NWD2: variants seen among roughly 807,000 people sequenced by gnomAD.
The protein encoded by NWD2 is NACHT and WD repeat domain-containing protein 2.
A neutral mutation model predicts 132.7 loss-of-function variants in NWD2; 37 were observed. That is an observed-to-expected ratio of 0.28 (90% CI 0.21 to 0.37). The LOEUF (loss-of-function observed/expected upper bound fraction) is 0.37, where lower values mean the gene tolerates loss of function less well. Among genes scored for constraint, NWD2 ranks in the 10% least tolerant of loss-of-function variants. NWD2 has a pLI of 1.00. For synonymous variants in NWD2, 705 were observed against 803.0 expected (o/e 0.88, Z 2.06); for missense variants, 1,592 against 2,122.4 (o/e 0.75, Z 4.91).
intron 3 of NWD2, among the ~76,000 whole-genome samples, chr4:37,424,689 C>G (rs1432504542): frequency 6.6e-6 from 1 of 152,100 alleles, no homozygotes; most frequent in Non-Finnish European, 1.5e-5. Flanking sequence ...AGCAATGGCT[C>G]ATAAACAGCA....
chr4:37,401,627 C>T (rs1375644572), intron 3 of NWD2, among the ~76,000 whole-genome samples: 2 of 152,062 alleles, frequency 1.3e-5, no homozygotes, highest in Non-Finnish European at 2.9e-5. Context: ...TGTTAGTCCC[C>T]TACCCAAAAA....
intron 2 of NWD2, among the ~76,000 whole-genome samples, chr4:37,349,132 A>G (rs1175092395): frequency 2.6e-5 from 4 of 152,042 alleles, no homozygotes; most frequent in Admixed American, 2.6e-4. Context: ...GAATACTACC[A>G]CAATAAACAT....
chr4:37,321,406 A>C (rs895041082), intron 1 of NWD2, among the ~76,000 whole-genome samples: 3 of 152,192 alleles, frequency 2.0e-5, no homozygotes, highest in African/African-American at 7.2e-5. Flanking sequence ...ACCTTCATTA[A>C]CTCTGAAATC....
rs181110296 is a variant in NWD2 at position 37,302,838 on chromosome 4, G to A, written c.152-23098G>A. Among the ~76,000 whole-genome samples, 66 of 152,164 alleles carry A rather than the reference G, an allele frequency of 4.3e-4. No homozygotes were observed. In the East Asian group the frequency reaches 0.012, roughly 28 times the overall value. ...TGTTGTTTTGGCTGTTGAGTTCCTT[G>A]TGTATTCTAAATATTAATCTCTTGT... On this transcript the variant is annotated intron_variant, in intron 1 of 6. Transcript: ENST00000309447.
chr4:37,413,736 G>T (rs376702850), intron 3 of NWD2, among the ~76,000 whole-genome samples: 1 of 152,154 alleles, frequency 6.6e-6, no homozygotes, highest in African/African-American at 2.4e-5. Context: ...GTTCATCAAT[G>T]ATAGACTGGA....
intron 4 of NWD2, 36 bp downstream of exon 4, chr4:37,430,811 C>A: frequency 6.7e-7 from 1 of 1,501,740 alleles, no homozygotes; most frequent in Non-Finnish European, 9.1e-7. Flanking sequence ...TGGATCTGTC[C>A]ATTACTACAT....
intron 3 of NWD2, among the ~76,000 whole-genome samples, chr4:37,413,176 G>C (rs1453650262): frequency 6.6e-6 from 1 of 152,176 alleles, no homozygotes; most frequent in African/African-American, 2.4e-5. Context: ...TTATCAGAGT[G>C]AACAGGCAGC....
intron 1 of NWD2, among the ~76,000 whole-genome samples, chr4:37,308,906 G>A (rs1718771264): frequency 6.6e-6 from 1 of 152,052 alleles, no homozygotes; most frequent in Non-Finnish European, 1.5e-5. Context: ...GGCCCTAAAT[G>A]TGCCAGTCCT....
intron 1 of NWD2, among the ~76,000 whole-genome samples, chr4:37,324,366 A>C (rs750717844): frequency 2.6e-5 from 4 of 151,952 alleles, no homozygotes; most frequent in Admixed American, 1.3e-4. Context: ...TTTATCTTCT[A>C]TATCTGCCAG....
intron 2 of NWD2, among the ~76,000 whole-genome samples, chr4:37,355,869 C>G (rs1409698970): frequency 1.3e-5 from 2 of 151,826 alleles, no homozygotes; most frequent in Non-Finnish European, 2.9e-5. Context: ...CAAAATATCT[C>G]TCCTCATATG....
intron 3 of NWD2, among the ~76,000 whole-genome samples, chr4:37,366,522 T>G (rs1305491393): frequency 3.3e-5 from 5 of 152,136 alleles, no homozygotes; most frequent in African/African-American, 9.7e-5. Context: ...AGCAGAAAGA[T>G]AACACAACTA....
chr4:37,435,505 G>C (rs1712298371), intron 5 of NWD2, among the ~76,000 whole-genome samples: 1 of 152,202 alleles, frequency 6.6e-6, no homozygotes, highest in Non-Finnish European at 1.5e-5. Flanking sequence ...GGAACCTTTA[G>C]ATCCACCTTT....
intron 1 of NWD2, among the ~76,000 whole-genome samples, chr4:37,262,872 G>C (rs1717672991): frequency 6.6e-6 from 1 of 152,104 alleles, no homozygotes; most frequent in South Asian, 2.1e-4. Flanking sequence ...ATGGCACAGG[G>C]TGCTTCTTGA....
intron 1 of NWD2, among the ~76,000 whole-genome samples, chr4:37,308,398 A>G (rs1316683937): frequency 1.3e-5 from 2 of 152,036 alleles, no homozygotes. Flanking sequence ...AGTAGCCTAG[A>G]TTGTGAGTGT....
chr4:37,422,406 T>C (rs1339826965), intron 3 of NWD2, among the ~76,000 whole-genome samples: 1 of 152,214 alleles, frequency 6.6e-6, no homozygotes, highest in African/African-American at 2.4e-5. Flanking sequence ...CCTGGAACAT[T>C]GATAAGTTTG....
intron 1 of NWD2, among the ~76,000 whole-genome samples, chr4:37,291,734 G>T (rs986803940): frequency 3.3e-5 from 5 of 151,982 alleles, no homozygotes; most frequent in African/African-American, 1.2e-4. Context: ...TGCTATATCT[G>T]TGTAAAACTG....
At chr4:37,303,977 A>G (rs1230060080) in intron 1 of NWD2, among the ~76,000 whole-genome samples, 1 of 152,172 alleles carries the variant, frequency 6.6e-6, no homozygotes, top group Non-Finnish European at 1.5e-5. Flanking sequence ...TCTGTGCTGA[A>G]TAAGAGTTCT....
chr4:37,311,589 G>T (rs1211448830), intron 1 of NWD2, among the ~76,000 whole-genome samples: 2 of 148,984 alleles, frequency 1.3e-5, no homozygotes, highest in African/African-American at 2.6e-5. Flanking sequence ...TAGGTTGCCT[G>T]TTCACTCTGA....
At chr4:37,409,835 G>C (rs1721119524) in intron 3 of NWD2, among the ~76,000 whole-genome samples, 1 of 152,196 alleles carries the variant, frequency 6.6e-6, no homozygotes, top group Non-Finnish European at 1.5e-5. Flanking sequence ...AGCCAGAAAA[G>C]AGTAGGGGCC....
Sources: gnomAD v4.1 joint callset for allele counts (sites outside exome capture counted in the v4.1 genomes callset) on GRCh38, gnomAD v4.1.1 for gene constraint, MANE v1.5 for transcripts, NCBI Gene and HGNC (gene_info 2026-07-23, HGNC 2026-07-21) for gene names.